SLC10A7: variants seen among roughly 807,000 people sequenced by gnomAD.
SLC10A7 encodes the protein sodium/bile acid cotransporter 7.
In SLC10A7, 29 loss-of-function variants were observed where a neutral mutation model predicts 43.2. The observed-to-expected ratio is 0.67, with a 90% confidence interval of 0.50 to 0.92. The LOEUF (loss-of-function observed/expected upper bound fraction) is 0.92. Among genes scored for constraint, SLC10A7 ranks in the 40% least tolerant of loss-of-function variants. The pLI is 0.00. For synonymous variants in SLC10A7, 152 were observed against 144.8 expected (o/e 1.05, Z -0.35); for missense variants, 295 against 403.2 (o/e 0.73, Z 2.30).
In SLC10A7 at chr4:146,502,811, C is replaced by T. The variant is rs78713278; in HGVS notation, c.396+1038G>A. ...TTCCATTGCATAAAACTCTAAAAAA[C>T]GCAAACTAATCTATAGTGACAGAGG... On this transcript the variant is annotated intron_variant, in intron 4 of 11. Transcript: ENST00000335472. Among the ~76,000 whole-genome samples, 327 of 152,068 alleles carry T rather than the reference C, an allele frequency of 2.2e-3. 1 individual carries two copies. Among genetic ancestry groups the T allele is most frequent in the African/African-American group, 6.4e-3 (264 of 41,506 alleles).
chr4:146,291,704 A>T (rs1239146900), intron 9 of SLC10A7, among the ~76,000 whole-genome samples: 3 of 151,534 alleles, frequency 2.0e-5, no homozygotes, highest in African/African-American at 7.3e-5. Flanking sequence ...CCCTCTTGGC[A>T]TCTCTAACTG....
chr4:146,288,448 AG>A, intron 9 of SLC10A7, among the ~76,000 whole-genome samples: 1 of 152,356 alleles, frequency 6.6e-6, no homozygotes, highest in African/African-American at 2.4e-5. Flanking sequence ...AAGTAGGTTA[AG>A]CAACTCCCCT....
At chr4:146,499,862 G>A (rs1313953670) in intron 4 of SLC10A7, among the ~76,000 whole-genome samples, 1 of 152,182 alleles carries the variant, frequency 6.6e-6, no homozygotes, top group African/African-American at 2.4e-5. Context: ...GAATAAACAT[G>A]TAAGTAGACT....
chr4:146,327,792 A>T (rs1263779411), intron 5 of SLC10A7, among the ~76,000 whole-genome samples: 2 of 152,198 alleles, frequency 1.3e-5, no homozygotes. Flanking sequence ...GGGCCTGAGG[A>T]TTGATAGCCC....
intron 5 of SLC10A7, among the ~76,000 whole-genome samples, chr4:146,333,492 A>C (rs184253858): frequency 1.2e-4 from 18 of 152,290 alleles, no homozygotes; most frequent in African/African-American, 4.3e-4. Context: ...AAAGCAATTA[A>C]GATGAAAACT....
At chr4:146,373,308 A>C (rs1017921592) in intron 5 of SLC10A7, among the ~76,000 whole-genome samples, 5 of 151,982 alleles carry the variant, frequency 3.3e-5, no homozygotes, top group Non-Finnish European at 7.4e-5. Flanking sequence ...CCTCATCTCT[A>C]CTAAAAATCA....
chr4:146,435,416 T>C (rs1730134428), intron 5 of SLC10A7, among the ~76,000 whole-genome samples: 1 of 152,198 alleles, frequency 6.6e-6, no homozygotes, highest in South Asian at 2.1e-4. Context: ...ATGAGGTATA[T>C]TAATAATGGA....
Position 146,258,818 on chromosome 4 carries a change from G to A in SLC10A7, c.867C>T (p.Ile289=), listed in dbSNP as rs935163668. The change falls in exon 11 of 12, where the codon ATC becomes ATT. Residue 289 remains isoleucine, a synonymous_variant. Transcript: ENST00000335472. ...AGAGATGCTCATGGCCTGCAAACAC[G>A]ATCTTCAGCATCGGAATTCCTGTTG... The part of the protein sequence containing the change: ...SLTLGIPMLK[I]VFAGHEHLSL... The A allele has an allele frequency of 6.2e-6, 10 of 1,607,236 alleles. No homozygotes were observed. The highest frequency in any genetic ancestry group is 2.7e-5 in the African/African-American group (2 of 74,434).
intron 5 of SLC10A7, among the ~76,000 whole-genome samples, chr4:146,413,908 G>A (rs1020585782): frequency 1.3e-5 from 2 of 152,170 alleles, no homozygotes; most frequent in Non-Finnish European, 1.5e-5. Context: ...ATCCAGTAGA[G>A]CTGAATATCA....
intron 10 of SLC10A7, among the ~76,000 whole-genome samples, chr4:146,281,096 C>G (rs1729520416): frequency 6.6e-6 from 1 of 152,084 alleles, no homozygotes; most frequent in African/African-American, 2.4e-5. Context: ...CCCTTTTTAG[C>G]AAAACAACTA....
chr4:146,294,645 G>A (rs1730659326), intron 7 of SLC10A7, among the ~76,000 whole-genome samples: 1 of 152,214 alleles, frequency 6.6e-6, no homozygotes, highest in Non-Finnish European at 1.5e-5. Flanking sequence ...TGTTGTGGGA[G>A]TTTAAATAAT....
At chr4:146,267,675 C>A (rs1728646407) in intron 10 of SLC10A7, among the ~76,000 whole-genome samples, 1 of 152,176 alleles carries the variant, frequency 6.6e-6, no homozygotes, top group Non-Finnish European at 1.5e-5. Context: ...AGAACCTCTA[C>A]TGTTGCTTTA....
At chr4:146,384,969 T>C (rs1470193276) in intron 5 of SLC10A7, among the ~76,000 whole-genome samples, 2 of 152,130 alleles carry the variant, frequency 1.3e-5, no homozygotes, top group East Asian at 3.8e-4. Flanking sequence ...CTATCTTCAA[T>C]AATTTCTAAG....
intron 5 of SLC10A7, among the ~76,000 whole-genome samples, chr4:146,421,708 C>T (rs554710856): frequency 3.3e-5 from 5 of 151,994 alleles, no homozygotes; most frequent in East Asian, 1.9e-4. Flanking sequence ...TACCAGGTAC[C>T]GTATTTGCCA....
chr4:146,324,290 C>A (rs1385025336), intron 6 of SLC10A7, among the ~76,000 whole-genome samples: 1 of 152,122 alleles, frequency 6.6e-6, no homozygotes, highest in Non-Finnish European at 1.5e-5. Flanking sequence ...ATCAAGCTAC[C>A]AATGACTTTC....
At chr4:146,438,861 T>G (rs562170089) in intron 5 of SLC10A7, among the ~76,000 whole-genome samples, 1 of 152,174 alleles carries the variant, frequency 6.6e-6, no homozygotes, top group South Asian at 2.1e-4. Context: ...TCAGTATCTA[T>G]TTTTTAAAAA....
intron 5 of SLC10A7, among the ~76,000 whole-genome samples, chr4:146,383,228 T>G (rs1737756990): frequency 6.6e-6 from 1 of 152,118 alleles, no homozygotes; most frequent in African/African-American, 2.4e-5. Context: ...CAAGTAGTAC[T>G]CTGTATATAA....
chr4:146,385,173 G>A (rs1426267534), intron 5 of SLC10A7, among the ~76,000 whole-genome samples: 7 of 151,892 alleles, frequency 4.6e-5, no homozygotes, highest in South Asian at 4.2e-4. Context: ...CTAGGTTTAG[G>A]GTTTCAATAA....
intron 7 of SLC10A7, among the ~76,000 whole-genome samples, chr4:146,301,155 A>G (rs1731134129): frequency 6.6e-6 from 1 of 152,194 alleles, no homozygotes; most frequent in Non-Finnish European, 1.5e-5. Flanking sequence ...TTATTTCCTG[A>G]TAAATTTATG....
Sources: allele counts gnomAD v4.1 joint callset (sites outside exome capture counted in the v4.1 genomes callset), GRCh38; gene constraint gnomAD v4.1.1; transcripts MANE v1.5; gene names NCBI Gene and HGNC (gene_info 2026-07-23, HGNC 2026-07-21).